The following RRP1B variants were observed in gnomAD, a reference collection of about 807,000 sequenced individuals.
RRP1B encodes the protein ribosomal RNA processing protein 1 homolog B.
In RRP1B, 56 loss-of-function variants were observed where a neutral mutation model predicts 80.2. The observed-to-expected ratio is 0.70, with a 90% CI of 0.56 to 0.87. The LOEUF is 0.87. Among genes scored for constraint, RRP1B ranks in the 40% least tolerant of loss-of-function variants. The pLI is 0.00. For synonymous variants in RRP1B, 351 were observed against 357.6 expected, an observed-to-expected ratio of 0.98 and a Z score of 0.21; for missense variants, 807 against 939.8, an observed-to-expected ratio of 0.86 and a Z score of 1.85.
In RRP1B at chr21:43,693,105, G is replaced by A. The variant is rs111797219; in HGVS notation, c.2084-85G>A. On this transcript the variant is annotated intron_variant, in intron 15 of 15. Coordinates refer to ENST00000340648, the MANE Select transcript of RRP1B (RefSeq NM_015056.3). This position sits in a 1 kb window ranked among gnomAD's most constrained non-coding sequence, Gnocchi z 4.1. ...TCGTCCTAGCAAGTGGGTGGGGTCG[G>A]CACCCAGGCAGGACGCTGTCTAAGG... is the stretch of plus-strand genomic sequence containing the variant. 2,001 of 1,431,330 alleles carry A rather than the reference G, an allele frequency of 1.4e-3. 19 individuals carry two copies. The African/African-American group carries it at 0.025, about 18-fold the overall frequency. The allele number at this position is 1,431,330 out of a possible 1,614,324, so 88.7% of individuals were successfully genotyped here.
At chr21:43,675,942 C>T (rs559373220) in intron 6 of RRP1B, among the ~76,000 whole-genome samples, 2 of 149,404 alleles carry the variant, frequency 1.3e-5, no homozygotes, top group South Asian at 2.1e-4. Flanking sequence ...TTAGGTGTGC[C>T]CCAAGACAGT....
chr21:43,677,369 C>A (rs957021795), intron 8 of RRP1B, among the ~76,000 whole-genome samples: 1 of 152,174 alleles, frequency 6.6e-6, no homozygotes, highest in Non-Finnish European at 1.5e-5. Flanking sequence ...GTTTAAATGC[C>A]TACTGTGTAC....
chr21:43,676,925 G>A lies in RRP1B; in HGVS notation c.796+11G>A, dbSNP rs1455204543. ...GTAAAAAGAAGACAGGTAGGAGGAT[G>A]TTCTTGGTCAGTGTAGCTTTCTTTC... On this transcript the variant is annotated intron_variant, in intron 8 of 15. Transcript: ENST00000340648. 13 of 1,612,850 alleles carry A rather than the reference G, an allele frequency of 8.1e-6. No individual in the cohort carries two copies. The highest frequency in any genetic ancestry group is 1.1e-5 in the Non-Finnish European group (13 of 1,179,196).
intron 13 of RRP1B, 104 bp downstream of exon 13, chr21:43,688,344 C>T: frequency 7.4e-7 from 1 of 1,344,988 alleles, no homozygotes; most frequent in East Asian, 2.5e-5. Flanking sequence ...GGCGGCCAGG[C>T]CTCTGGACTC....
chr21:43,661,109 C>T (rs888561235), intron 1 of RRP1B, among the ~76,000 whole-genome samples: 3 of 152,136 alleles, frequency 2.0e-5, no homozygotes, highest in African/African-American at 7.2e-5. Flanking sequence ...AATACACTTT[C>T]CTGGGAAGTC....
At chr21:43,677,369 C>T (rs957021795) in intron 8 of RRP1B, among the ~76,000 whole-genome samples, 12 of 152,174 alleles carry the variant, frequency 7.9e-5, no homozygotes, top group Non-Finnish European at 1.3e-4. Context: ...GTTTAAATGC[C>T]TACTGTGTAC....
intron 2 of RRP1B, among the ~76,000 whole-genome samples, chr21:43,671,379 T>C (rs1249910135): frequency 2.0e-5 from 3 of 151,308 alleles, no homozygotes; most frequent in African/African-American, 7.3e-5. Flanking sequence ...TTTTTTTTTT[T>C]TTTTTTTACA....
intron 6 of RRP1B, among the ~76,000 whole-genome samples, chr21:43,675,904 C>A (rs1401274378): frequency 7.5e-6 from 1 of 133,640 alleles, no homozygotes; most frequent in African/African-American, 2.9e-5. Context: ...ATTTTTAGCT[C>A]ATCAGCTGTT....
chr21:43,687,691 G>C lies in RRP1B; in HGVS notation c.1317G>C (p.Leu439=). The C allele has an allele frequency of 6.2e-7, 1 of 1,609,166 alleles. No homozygotes were observed. Among genetic ancestry groups the C allele is most frequent in the East Asian group, 2.2e-5 (1 of 44,820 alleles). ...REPEASGLKA[L]KARVAEPGAE... ...CCGAGGCCTCTGGGCTGAAAGCCCT[G>C]AAGGCACGTGTGGCCGAGCCAGGTG... Residue 439 remains leucine (L), a synonymous_variant, in exon 13 of 16, where the codon CTG becomes CTC. Transcript: ENST00000340648.
rs1601764513 is a variant in RRP1B at position 43,694,601 on chromosome 21, A to C, written c.*1218A>C. On this transcript the variant is annotated 3_prime_UTR_variant, in exon 16 of 16. Coordinates refer to ENST00000340648, the MANE Select transcript of RRP1B (RefSeq NM_015056.3). ...GTCTGCACGGTGAGAGGGCACGGGC[A>C]CACGGTTCGGGCTGGCGTGCAGCTC... 1 of 152,270 alleles carries C rather than the reference A, an allele frequency of 6.6e-6. No homozygotes were observed. Among genetic ancestry groups the C allele is most frequent in the Admixed American group, 6.5e-5 (1 of 15,286 alleles). The allele number at this position is 152,270 out of a possible 1,614,324, so 9.4% of individuals were successfully genotyped here.
At chr21:43,685,913 A>T in intron 11 of RRP1B, 124 bp downstream of exon 11, 1 of 1,284,136 alleles carries the variant, frequency 7.8e-7, no homozygotes, top group Admixed American at 2.3e-5. Context: ...CTGATAAGAA[A>T]TAATAGTCCC....
chr21:43,693,310 G>A lies in RRP1B; in HGVS notation c.2204G>A (p.Ser735Asn), dbSNP rs1036144832. The stretch of plus-strand genomic sequence containing the variant: ...AAGACCCCCACCAGCTCACCTGCCA[G>A]CTCACCCCTGGTGGCCAAGAAGCCC... ...VLKTPTSSPA[S>N]SPLVAKKPLT... is the part of the protein sequence containing the mutation. The change falls in exon 16 of 16, where the codon AGC (serine) becomes AAC (asparagine). Residue 735 changes from serine (S) to asparagine (N), a missense_variant. Transcript: ENST00000340648. The surrounding 1 kb of genome is among the most constrained non-coding windows in gnomAD (Gnocchi z 4.1). 60 of 1,612,988 alleles carry A rather than the reference G, an allele frequency of 3.7e-5. No individual in the cohort carries two copies. The highest frequency in any genetic ancestry group is 4.9e-5 in the Non-Finnish European group (58 of 1,179,540).
chr21:43,684,088 T>G (rs78760692), intron 9 of RRP1B, among the ~76,000 whole-genome samples: 1 of 150,996 alleles, frequency 6.6e-6, no homozygotes, highest in Non-Finnish European at 1.5e-5. Context: ...TTTTTTTTTT[T>G]TGAGACAGAG....
At position 43,691,627 on chromosome 21, in the gene RRP1B, C is replaced by CTTT. The variant is rs2083086716; in HGVS notation, c.2083+126_2083+128dup. 1 of 605,814 alleles carries CTTT rather than the reference C, an allele frequency of 1.7e-6. No individual in the cohort carries two copies. Among genetic ancestry groups the CTTT allele is most frequent in the East Asian group, 3.0e-5 (1 of 33,456 alleles). 37.5% of individuals were successfully genotyped at this position (605,814 alleles called of 1,614,324 possible). ...GGTCCTAGCTCCTCACTGCCCATTT[C>CTTT]TTTATTTTTATTTTTTTTTTTTTTT... On this transcript the variant is annotated intron_variant, in intron 15 of 15. Transcript: ENST00000340648. The surrounding 1 kb of genome is among the most constrained non-coding windows in gnomAD (Gnocchi z 4.2).
rs778164061 is a variant in RRP1B, at chr21:43,690,314, G to A, written c.1893G>A (p.Leu631=). Residue 631 remains leucine, a synonymous_variant, in exon 14 of 16, where the codon CTG becomes CTA. Coordinates refer to ENST00000340648, the MANE Select transcript of RRP1B (RefSeq NM_015056.3). The part of the protein sequence containing the change: ...ALGSSGTCSS[L]KKQKLRAESD... The stretch of plus-strand genomic sequence containing the variant: ...GAAGCAGTGGGACTTGCAGTTCCCT[G>A]AAGAAGCAGAAGCTGAGGGCAGAGA... 13 of 1,614,092 alleles carry A rather than the reference G, an allele frequency of 8.1e-6. No individual in the cohort carries two copies. The East Asian group carries it at 1.1e-4, about 14-fold the overall frequency.
chr21:43,684,507 G>A (rs374279055), intron 9 of RRP1B, 46 bp from the exon 10 acceptor site: 5 of 1,528,488 alleles, frequency 3.3e-6, no homozygotes, highest in Non-Finnish European at 4.5e-6. Flanking sequence ...AAGTCAGGCA[G>A]TGTTGTTTGG....
At chr21:43,679,375 T>C (rs1010249951) in intron 8 of RRP1B, among the ~76,000 whole-genome samples, 2 of 152,092 alleles carry the variant, frequency 1.3e-5, no homozygotes, top group Non-Finnish European at 2.9e-5. Flanking sequence ...TTCAAGCGAT[T>C]CTCATGCCTC....
In RRP1B at chr21:43,668,559, C is replaced by T. The variant is rs187376501; in HGVS notation, c.131-1325C>T. Among the ~76,000 whole-genome samples, 778 of 151,940 alleles carry T rather than the reference C, an allele frequency of 5.1e-3. 4 individuals carry two copies. The highest frequency in any genetic ancestry group is 8.5e-3 in the Non-Finnish European group (575 of 67,960). ...ATTTTTTTTGTATTTTTAGTAGAGA[C>T]GGGGTTTCACTGTGTTAGTGAGGAT... On this transcript the variant is annotated intron_variant, in intron 1 of 15. Transcript: ENST00000340648.
intron 1 of RRP1B, among the ~76,000 whole-genome samples, chr21:43,660,876 T>C (rs1452128393): frequency 6.6e-6 from 1 of 152,222 alleles, no homozygotes; most frequent in Non-Finnish European, 1.5e-5. Context: ...TTGGATGATT[T>C]CATTTACCTG....
Sources: allele counts gnomAD v4.1 joint callset (sites outside exome capture counted in the v4.1 genomes callset), GRCh38; gene constraint gnomAD v4.1.1; non-coding constraint Gnocchi (gnomAD v3.1); transcripts MANE v1.5; gene names NCBI Gene and HGNC (gene_info 2026-07-23, HGNC 2026-07-21).